MANBAL: variants seen among roughly 807,000 people sequenced by gnomAD.
MANBAL encodes the protein protein MANBAL.
Under a neutral mutation model 6.4 loss-of-function variants are expected in MANBAL, and 1 was observed. That is an observed-to-expected ratio of 0.16 (90% CI 0.06 to 0.74). The LOEUF (loss-of-function observed/expected upper bound fraction) is 0.74, where lower values mean the gene tolerates loss of function less well. Among genes scored for constraint, MANBAL ranks in the 30% least tolerant of loss-of-function variants. MANBAL has a pLI of 0.78. For synonymous variants in MANBAL, 47 were observed against 45.8 expected (o/e 1.03, Z -0.10); for missense variants, 100 against 107.8 (o/e 0.93, Z 0.32).
chr20:37,307,138 A>G (rs2069276973), intron 2 of MANBAL, among the ~76,000 whole-genome samples: 1 of 151,990 alleles, frequency 6.6e-6, no homozygotes, highest in Non-Finnish European at 1.5e-5. Context: ...ATTTTTAAAT[A>G]ATTTTTTTGT....
intron 1 of MANBAL, chr20:37,298,768 C>T (rs1458360639): frequency 6.6e-6 from 1 of 150,988 alleles, no homozygotes; most frequent in South Asian, 2.1e-4. Flanking sequence ...AACAGGATCT[C>T]TCACCCCGTC....
rs897768756 is a variant in MANBAL at position 37,309,411 on chromosome 20, T to A, written c.151-6897T>A. ...CAGGCCACATTTAGCTGCCTACTCT[T>A]GTGACCCCAGTGACTGAGAGTCCCC... On this transcript the variant is annotated intron_variant, in intron 2 of 2. Transcript: ENST00000373606. Among the ~76,000 whole-genome samples, 9 of 152,146 alleles carry A rather than the reference T, an allele frequency of 5.9e-5. No individual in the cohort carries two copies. In the South Asian group the frequency reaches 8.3e-4, roughly 14 times the overall value.
chr20:37,313,074 G>T (rs1351178164), intron 2 of MANBAL, among the ~76,000 whole-genome samples: 1 of 152,222 alleles, frequency 6.6e-6, no homozygotes, highest in Non-Finnish European at 1.5e-5. Flanking sequence ...TAATAGGGGA[G>T]ACTAACATGA....
chr20:37,309,600 C>T (rs1172243455), intron 2 of MANBAL, among the ~76,000 whole-genome samples: 3 of 152,142 alleles, frequency 2.0e-5, no homozygotes, highest in African/African-American at 7.2e-5. Context: ...CACAACCAAC[C>T]AGAAAGCCCT....
intron 2 of MANBAL, among the ~76,000 whole-genome samples, 175 bp downstream of exon 2, chr20:37,301,588 T>C (rs1443140975): frequency 6.6e-6 from 1 of 152,242 alleles, no homozygotes; most frequent in Non-Finnish European, 1.5e-5. Flanking sequence ...CTTTATTTGT[T>C]CATGTACCCA....
At chr20:37,298,776 G>A (rs1127262) in intron 1 of MANBAL, 37,648 of 149,938 alleles carry the variant, frequency 0.25, 4,966 homozygotes, top group African/African-American at 0.3. Context: ...CTCTCACCCC[G>A]TCACTCAGGG....
At chr20:37,300,888 A>G (rs956069164) in intron 1 of MANBAL, among the ~76,000 whole-genome samples, 6 of 152,140 alleles carry the variant, frequency 3.9e-5, no homozygotes, top group East Asian at 1.9e-4. Flanking sequence ...CACACCTGCA[A>G]TCCCAGCACT....
intron 2 of MANBAL, among the ~76,000 whole-genome samples, chr20:37,311,649 G>A (rs1297225012): frequency 6.6e-6 from 1 of 152,066 alleles, no homozygotes; most frequent in Non-Finnish European, 1.5e-5. Context: ...CACCACGCCT[G>A]GCTAATTTTG....
chr20:37,316,502 C>T lies in MANBAL; in HGVS notation c.*87C>T. On this transcript the variant is annotated 3_prime_UTR_variant, in exon 3 of 3. Coordinates refer to ENST00000373606, the MANE Select transcript of MANBAL (RefSeq NM_001003897.2). ...ATCTACATTGTGTTCCCCCGCATTC[C>T]AGGCTCAGGGTCTGAGGAGGCTGTG... The T allele has an allele frequency of 8.2e-7, 1 of 1,223,824 alleles. No individual in the cohort carries two copies. Among genetic ancestry groups the T allele is most frequent in the Non-Finnish European group, 1.2e-6 (1 of 867,184 alleles). The allele number at this position is 1,223,824 out of a possible 1,614,324, so 75.8% of individuals were successfully genotyped here. A position where few individuals can be genotyped will look rare whatever the true frequency, so the allele number is the denominator to read the frequency against.
intron 2 of MANBAL, among the ~76,000 whole-genome samples, chr20:37,309,350 C>T (rs1380890312): frequency 6.6e-6 from 1 of 152,194 alleles, no homozygotes; most frequent in Non-Finnish European, 1.5e-5. Flanking sequence ...CACCTTGTCT[C>T]ACAGGTGGGA....
intron 1 of MANBAL, among the ~76,000 whole-genome samples, chr20:37,299,509 A>G (rs1305855652): frequency 1.3e-5 from 2 of 152,252 alleles, no homozygotes; most frequent in African/African-American, 4.8e-5. Flanking sequence ...CTTAATAGTC[A>G]TGTGTGGCTC....
intron 1 of MANBAL, among the ~76,000 whole-genome samples, chr20:37,294,068 T>G (rs1338106390): frequency 6.6e-6 from 1 of 152,238 alleles, no homozygotes; most frequent in African/African-American, 2.4e-5. Context: ...ATTATGGGTG[T>G]GAGCCACTGT....
At chr20:37,311,889 G>C (rs1242650771) in intron 2 of MANBAL, among the ~76,000 whole-genome samples, 1 of 152,242 alleles carries the variant, frequency 6.6e-6, no homozygotes, top group East Asian at 1.9e-4. Flanking sequence ...GTGGGAGGCA[G>C]ATGCAACCAG....
chr20:37,294,497 A>C (rs563590226), intron 1 of MANBAL, among the ~76,000 whole-genome samples: 1 of 152,348 alleles, frequency 6.6e-6, no homozygotes, highest in African/African-American at 2.4e-5. Flanking sequence ...CTTTTCACTC[A>C]GAGACTGGCC....
chr20:37,292,936 A>T (rs918178783), intron 1 of MANBAL, among the ~76,000 whole-genome samples: 8 of 152,202 alleles, frequency 5.3e-5, no homozygotes, highest in African/African-American at 1.9e-4. Flanking sequence ...CCTTGCTTCT[A>T]GGCCTTCGCA....
chr20:37,306,400 G>A (rs2069258918), intron 2 of MANBAL, among the ~76,000 whole-genome samples: 1 of 152,180 alleles, frequency 6.6e-6, no homozygotes, highest in African/African-American at 2.4e-5. Context: ...GGGTTAATCA[G>A]GGAGGAAAAG....
In MANBAL at chr20:37,316,313, T is replaced by A; in HGVS notation, c.156T>A (p.Ala52=). 1 of 1,613,400 alleles carries A rather than the reference T, an allele frequency of 6.2e-7. No homozygotes were observed. Among genetic ancestry groups the A allele is most frequent in the Non-Finnish European group, 8.5e-7 (1 of 1,179,664 alleles). ...TCCTTTTTATCACCTCACAGGAGGC[T>A]GAACCGTCTGAGCCCAGAAGTGCTG... ...VPIPKSHEAE[A]EPSEPRSAEV... The change falls in exon 3 of 3, where the codon GCT becomes GCA. Residue 52 remains alanine (A), a synonymous_variant. Transcript: ENST00000373606.
intron 1 of MANBAL, among the ~76,000 whole-genome samples, chr20:37,290,842 C>G (rs1314064657): frequency 1.3e-5 from 2 of 152,156 alleles, no homozygotes; most frequent in Non-Finnish European, 2.9e-5. Flanking sequence ...CTCCTGGAGG[C>G]AAGATATCCT....
intron 2 of MANBAL, among the ~76,000 whole-genome samples, chr20:37,305,811 CTGTG>C (rs2069246189): frequency 6.6e-6 from 1 of 151,714 alleles, no homozygotes; most frequent in South Asian, 2.1e-4. Context: ...CGCTAGCTCT[CTGTG>C]TGTCTCCATA....
Sources: allele counts gnomAD v4.1 joint callset (sites outside exome capture counted in the v4.1 genomes callset), GRCh38; gene constraint gnomAD v4.1.1; transcripts MANE v1.5; gene names NCBI Gene and HGNC (gene_info 2026-07-23, HGNC 2026-07-21).